The following DHRSX variants were observed in gnomAD, a reference collection of about 807,000 sequenced individuals.
The protein encoded by DHRSX is polyprenol dehydrogenase.
In DHRSX, 31 loss-of-function variants were observed where a neutral mutation model predicts 34.0. The observed-to-expected ratio is 0.91, with a 90% confidence interval of 0.69 to 1.23. DHRSX has a LOEUF of 1.23. Among genes scored for constraint, DHRSX ranks in the 50% most tolerant of loss-of-function variants. The pLI, the probability that DHRSX is intolerant of heterozygous loss-of-function variation, is 0.00. For missense variants in DHRSX, 414 were observed against 428.1 expected (o/e 0.97, Z 0.29); for synonymous variants, 201 against 183.8 (o/e 1.09, Z -0.76).
At position 2,243,047 on chromosome X, in the gene DHRSX, CT is replaced by C; in HGVS notation, c.779del (p.Lys260SerfsTer63). On this transcript the variant is annotated frameshift_variant, in exon 6 of 7. Transcript: ENST00000334651. LOFTEE classifies it high-confidence loss of function. Reference sequence around the variant, plus strand: ...CCTTGAAAAGCAACCAGCCGAGAAGCTTCTTCGCCAGACGGGTGGCCCAGAA... The same window carrying C: ...CCTTGAAAAGCAACCAGCCGAGAAGCTCTTCGCCAGACGGGTGGCCCAGAA... Reference protein sequence around the residue: ...HVFWATRLAKKLLGWLLFKTP... With the variant: ...HVFWATRLAKXLLGWLLFKTP... 1 of 1,613,752 alleles carries C rather than the reference CT, an allele frequency of 6.2e-7. No homozygotes were observed. Among genetic ancestry groups the C allele is most frequent in the Non-Finnish European group, 8.5e-7 (1 of 1,179,718 alleles).
chrX:2,368,971 TA>T (rs994698934), intron 3 of DHRSX, among the ~76,000 whole-genome samples: 2 of 152,042 alleles, frequency 1.3e-5, no homozygotes, highest in Non-Finnish European at 2.9e-5. Flanking sequence ...AATAAGTAAA[TA>T]AAAAAGAATA....
At chrX:2,450,842 C>T (rs2044206734) in intron 1 of DHRSX, among the ~76,000 whole-genome samples, 1 of 151,960 alleles carries the variant, frequency 6.6e-6, no homozygotes. Flanking sequence ...AATCCTCACC[C>T]CTAAGACAAT....
rs144643421 is a variant in DHRSX at position 2,310,446 on chromosome X, C to A, written c.287-18843G>T. Among the ~76,000 whole-genome samples, 26 of 152,074 alleles carry A rather than the reference C, an allele frequency of 1.7e-4. No homozygotes were observed. The East Asian group carries it at 4.7e-3, about 27-fold the overall frequency. Reference sequence around the variant, plus strand: ...AGGTATGGAGCGCCTCTCTGGAGACCTGAAATCCTATTTTCTTTGTATGAG... The same window carrying A: ...AGGTATGGAGCGCCTCTCTGGAGACATGAAATCCTATTTTCTTTGTATGAG... On this transcript the variant is annotated intron_variant, in intron 3 of 6. Transcript: ENST00000334651.
intron 1 of DHRSX, among the ~76,000 whole-genome samples, chrX:2,442,684 A>G (rs2044078223): frequency 6.6e-6 from 1 of 152,086 alleles, no homozygotes; most frequent in Non-Finnish European, 1.5e-5. Flanking sequence ...TTTCCTAGAA[A>G]CAAGAACCCC....
chrX:2,354,129 C>G (rs756732413), intron 3 of DHRSX, among the ~76,000 whole-genome samples: 1 of 152,268 alleles, frequency 6.6e-6, no homozygotes, highest in East Asian at 1.9e-4. Flanking sequence ...CTCCTGGTGG[C>G]CATTCCCACC....
intron 3 of DHRSX, among the ~76,000 whole-genome samples, chrX:2,303,865 ATGGGTGGATGGG>A (rs1569485737): frequency 1.2e-4 from 15 of 121,482 alleles, no homozygotes; most frequent in African/African-American, 4.6e-4. Context: ...GGATGGGTGG[ATGGGTGGATGGG>A]TGGATGGATG....
At chrX:2,418,402 A>G (rs1385938166) in intron 2 of DHRSX, among the ~76,000 whole-genome samples, 1 of 151,912 alleles carries the variant, frequency 6.6e-6, no homozygotes. Context: ...ACCTAATACA[A>G]CTAGACTTCA....
chrX:2,486,582 G>C (rs2044937036), intron 1 of DHRSX: 1 of 152,226 alleles, frequency 6.6e-6, no homozygotes, highest in South Asian at 2.1e-4. Context: ...AAAAGCGAAG[G>C]ATTGTTAGAG....
At chrX:2,431,688 T>A (rs2043925046) in intron 1 of DHRSX, among the ~76,000 whole-genome samples, 1 of 152,176 alleles carries the variant, frequency 6.6e-6, no homozygotes, top group African/African-American at 2.4e-5. Flanking sequence ...TCTCACTTCT[T>A]ACTGGGAGGT....
intron 3 of DHRSX, among the ~76,000 whole-genome samples, chrX:2,350,088 G>A (rs1464104715): frequency 6.6e-6 from 1 of 152,060 alleles, no homozygotes; most frequent in African/African-American, 2.4e-5. Context: ...GCCCACGCCT[G>A]GTATCCCAGC....
intron 1 of DHRSX, among the ~76,000 whole-genome samples, chrX:2,459,579 T>TATATAC (rs1178347741): frequency 1.0e-3 from 134 of 127,940 alleles, no homozygotes; most frequent in South Asian, 3.1e-3. Flanking sequence ...TATATATATA[T>TATATAC]ACACACACAT....
chrX:2,329,594 C>G (rs191191971), intron 3 of DHRSX, among the ~76,000 whole-genome samples: 152 of 152,232 alleles, frequency 1.0e-3, no homozygotes, highest in African/African-American at 3.5e-3. Context: ...GAAGACTAGT[C>G]TCAGCCTGCA....
At chrX:2,470,426 A>C (rs1015528838) in intron 1 of DHRSX, among the ~76,000 whole-genome samples, 4 of 151,994 alleles carry the variant, frequency 2.6e-5, no homozygotes, top group Non-Finnish European at 5.9e-5. Flanking sequence ...TGAAAAAATT[A>C]ACTGGATATG....
chrX:2,282,427 G>C (rs1246841636), intron 4 of DHRSX, among the ~76,000 whole-genome samples: 2 of 147,142 alleles, frequency 1.4e-5, no homozygotes, highest in East Asian at 4.1e-4. Context: ...AGAGAAGGAA[G>C]GCAAAGGAGA....
chrX:2,459,300 G>A (rs746892446), intron 1 of DHRSX, among the ~76,000 whole-genome samples: 2 of 151,906 alleles, frequency 1.3e-5, no homozygotes, highest in African/African-American at 4.8e-5. Flanking sequence ...AAAAAACGAA[G>A]TGAGGTGATA....
At chrX:2,439,997 C>A (rs1215209672) in intron 1 of DHRSX, among the ~76,000 whole-genome samples, 2 of 152,144 alleles carry the variant, frequency 1.3e-5, no homozygotes, top group Admixed American at 6.6e-5. Context: ...GGATGCCCTG[C>A]ATTCTTCACA....
chrX:2,233,511 G>A (rs145199679), intron 6 of DHRSX, among the ~76,000 whole-genome samples: 19 of 152,152 alleles, frequency 1.2e-4, no homozygotes, highest in African/African-American at 4.6e-4. Context: ...ACGCCCGGCT[G>A]GGGGGCGCTG....
chrX:2,252,459 G>C (rs560327871), intron 5 of DHRSX, among the ~76,000 whole-genome samples: 31 of 152,304 alleles, frequency 2.0e-4, no homozygotes, highest in African/African-American at 7.5e-4. Context: ...GCAAAGACTG[G>C]CTTTCCTGCT....
At chrX:2,318,598 T>G (rs1191022365) in intron 3 of DHRSX, among the ~76,000 whole-genome samples, 2 of 152,142 alleles carry the variant, frequency 1.3e-5, no homozygotes, top group Non-Finnish European at 2.9e-5. Flanking sequence ...CATGGCAGTT[T>G]ACAGATGTCA....
Sources: allele counts gnomAD v4.1 joint callset (sites outside exome capture counted in the v4.1 genomes callset), GRCh38; gene constraint gnomAD v4.1.1; transcripts MANE v1.5; gene names NCBI Gene and HGNC (gene_info 2026-07-23, HGNC 2026-07-21).